METAP1D: variants seen among roughly 807,000 people sequenced by gnomAD.
METAP1D encodes the protein methionyl aminopeptidase type 1D, mitochondrial.
Under a neutral mutation model 40.5 loss-of-function variants are expected in METAP1D, and 31 were observed. The ratio of observed to expected loss-of-function variants is 0.77; its 90% confidence interval spans 0.58 to 1.03. METAP1D has a LOEUF of 1.03. Ranked by LOEUF, METAP1D falls within the 50% of genes least tolerant of loss-of-function variation. METAP1D has a pLI of 0.00. For synonymous variants in METAP1D, 151 were observed against 146.4 expected (o/e 1.03, Z -0.22); for missense variants, 411 against 420.7 (o/e 0.98, Z 0.20).
In METAP1D at chr2:172,034,473, T is replaced by G. The variant is rs1002455345; in HGVS notation, c.41-27025T>G. ...CGTTGCCTATAAAATAGGTACAAGG[T>G]TATTTTCCCAGTTTACCACCTGGTC... On this transcript the variant is annotated intron_variant, in intron 1 of 9. Coordinates refer to ENST00000315796, the MANE Select transcript of METAP1D (RefSeq NM_199227.3). 6.9e-4 allele frequency among the ~76,000 whole-genome samples: 105 copies of G among 151,974 alleles called. 1 individual carries two copies. The highest frequency in any genetic ancestry group is 2.4e-3 in the African/African-American group (99 of 41,386).
At chr2:172,042,296 T>C (rs13030695) in intron 1 of METAP1D, among the ~76,000 whole-genome samples, 14 of 11,162 alleles carry the variant, frequency 1.3e-3, no homozygotes, top group South Asian at 2.7e-3. Flanking sequence ...TATGTGTACA[T>C]GTGTACATAT....
chr2:172,070,426 TCTTA>T (rs1385088175), intron 5 of METAP1D, among the ~76,000 whole-genome samples: 1 of 152,190 alleles, frequency 6.6e-6, no homozygotes, highest in Non-Finnish European at 1.5e-5. Context: ...GACATGTCTA[TCTTA>T]CTTCTTCTTG....
chr2:172,057,346 G>A (rs1419064586), intron 1 of METAP1D, among the ~76,000 whole-genome samples: 2 of 152,150 alleles, frequency 1.3e-5, no homozygotes, highest in Admixed American at 6.5e-5. Context: ...TTCCTCAGAA[G>A]AGAAACACTT....
In METAP1D at chr2:172,080,234, A is replaced by G. The variant is rs747501900; in HGVS notation, c.929+28A>G. On this transcript the variant is annotated intron_variant, in intron 9 of 9. Coordinates refer to ENST00000315796, the MANE Select transcript of METAP1D (RefSeq NM_199227.3). ...GTTTGCTTTCTGCTCTGTTGCTTTT[A>G]AATTGTATGGGAAAGGAAGATTGGT... is the stretch of plus-strand genomic sequence containing the variant. 1.9e-6 allele frequency: 3 copies of G among 1,613,800 alleles called. No individual in the cohort carries two copies. In the South Asian group the frequency reaches 3.3e-5, roughly 18 times the overall value.
chr2:172,065,568 A>G (rs746157898), intron 3 of METAP1D, 36 bp from the exon 4 acceptor site: 1 of 1,607,846 alleles, frequency 6.2e-7, no homozygotes, highest in African/African-American at 1.3e-5. Context: ...AATGTCTTCA[A>G]TTGTTGCTGC....
intron 1 of METAP1D, among the ~76,000 whole-genome samples, chr2:172,047,708 T>G (rs1259734604): frequency 6.6e-6 from 1 of 152,238 alleles, no homozygotes; most frequent in East Asian, 1.9e-4. Context: ...GTGCTCAGAT[T>G]ATAGGCGTGA....
chr2:172,050,087 A>G (rs575677477), intron 1 of METAP1D, among the ~76,000 whole-genome samples: 20 of 152,172 alleles, frequency 1.3e-4, no homozygotes, highest in Admixed American at 3.9e-4. Context: ...GCTCTGAGCT[A>G]TTTCATCCCA....
chr2:172,044,639 G>T (rs1204005590), intron 1 of METAP1D, among the ~76,000 whole-genome samples: 1 of 134,622 alleles, frequency 7.4e-6, no homozygotes, highest in African/African-American at 2.5e-5. Flanking sequence ...GGGCGTGGTG[G>T]CTCACGCCTA....
intron 1 of METAP1D, among the ~76,000 whole-genome samples, chr2:172,056,622 G>T (rs552566330): frequency 1.3e-5 from 2 of 152,324 alleles, no homozygotes; most frequent in East Asian, 3.9e-4. Flanking sequence ...TTGAATGAAT[G>T]AAGGCATTTA....
chr2:172,012,558 T>C (rs1261132723), intron 1 of METAP1D, among the ~76,000 whole-genome samples: 1 of 152,216 alleles, frequency 6.6e-6, no homozygotes, highest in Non-Finnish European at 1.5e-5. Flanking sequence ...CGGAAGGAGA[T>C]GCTGCACTTT....
intron 3 of METAP1D, 22 bp downstream of exon 3, chr2:172,063,882 G>A (rs55978033): frequency 6.3e-7 from 1 of 1,586,288 alleles, no homozygotes; most frequent in East Asian, 2.3e-5. Flanking sequence ...CCAAGCCTCA[G>A]AACGACTTAC....
chr2:172,079,993 A>G (rs1690661750), intron 8 of METAP1D, 135 bp from the exon 9 acceptor site: 1 of 714,002 alleles, frequency 1.4e-6, no homozygotes. Flanking sequence ...AACCCTTGCA[A>G]GATGACAACA....
At chr2:172,024,643 T>C (rs1054646918) in intron 1 of METAP1D, among the ~76,000 whole-genome samples, 4 of 152,034 alleles carry the variant, frequency 2.6e-5, no homozygotes, top group Non-Finnish European at 5.9e-5. Flanking sequence ...GGGCTTTTGG[T>C]TTTCAGCCAA....
At chr2:172,080,293 C>T (rs369274713) in intron 9 of METAP1D, 35 bp from the exon 10 acceptor site, 27 of 1,613,922 alleles carry the variant, frequency 1.7e-5, no homozygotes, top group Non-Finnish European at 2.3e-5. Context: ...CCGGAGCTTG[C>T]GTGCGCGTTC....
At chr2:172,070,385 C>A (rs562585970) in intron 5 of METAP1D, among the ~76,000 whole-genome samples, 1 of 152,164 alleles carries the variant, frequency 6.6e-6, no homozygotes, top group Admixed American at 6.5e-5. Context: ...ATTCTTAGAA[C>A]TGAATTCTCC....
At chr2:172,015,170 G>A (rs62183808) in intron 1 of METAP1D, among the ~76,000 whole-genome samples, 29,264 of 152,080 alleles carry the variant, frequency 0.19, 3,046 homozygotes, top group Non-Finnish European at 0.24. Context: ...TAAGTCGGGC[G>A]TGGTGGCTCA....
intron 8 of METAP1D, among the ~76,000 whole-genome samples, chr2:172,079,853 A>G (rs527757967): frequency 1.3e-5 from 2 of 152,344 alleles, no homozygotes; most frequent in African/African-American, 4.8e-5. Context: ...TCCTAATTAA[A>G]GCTTGATTAA....
In METAP1D at chr2:172,080,353, C is replaced by G; in HGVS notation, c.955C>G (p.Leu319Val). Reference protein sequence around the residue: ...QRSAQFEHTVLITSRGAQILT... With the variant: ...QRSAQFEHTVVITSRGAQILT... ...GTCGGCGCAGTTCGAGCACACGGTT[C>G]TGATCACGTCGAGGGGCGCGCAGAT... is the stretch of plus-strand genomic sequence containing the variant. Residue 319 changes from leucine (L) to valine (V), a missense_variant, in exon 10 of 10, where the codon CTG becomes GTG. By Grantham distance (32) the Leu-to-Val change is conservative (BLOSUM62 1). Transcript: ENST00000315796. The G allele has an allele frequency of 6.2e-7, 1 of 1,614,068 alleles. No homozygotes were observed. The highest frequency in any genetic ancestry group is 1.1e-5 in the South Asian group (1 of 91,086).
chr2:172,036,282 A>ACT (rs1689382120), intron 1 of METAP1D, among the ~76,000 whole-genome samples: 12 of 144,634 alleles, frequency 8.3e-5, no homozygotes, highest in Non-Finnish European at 1.2e-4. Flanking sequence ...GCGCCATTGC[A>ACT]CTCCAGCCTG....
Sources: allele counts gnomAD v4.1 joint callset (sites outside exome capture counted in the v4.1 genomes callset), GRCh38; gene constraint gnomAD v4.1.1; transcripts MANE v1.5; gene names NCBI Gene and HGNC (gene_info 2026-07-23, HGNC 2026-07-21).